Variants in NID2 observed in about 807,000 individuals in gnomAD.
The protein encoded by NID2 is nidogen 2.
Under a neutral mutation model 145.4 loss-of-function variants are expected in NID2, and 83 were observed. The observed-to-expected ratio is 0.57, with a 90% CI of 0.48 to 0.69. NID2 has a LOEUF of 0.69. NID2 is among the 30% of genes least tolerant of loss of function. The pLI is 0.00. For synonymous variants in NID2, 739 were observed against 701.3 expected (o/e 1.05, Z -0.85); for missense variants, 1,807 against 1,765.7 (o/e 1.02, Z -0.42).
In NID2 at chr14:52,054,133, T is replaced by G; in HGVS notation, c.956A>C (p.Asp319Ala). ...DYNEDNLDYY[D>A]VNEEEAEYLP... The stretch of plus-strand genomic sequence containing the variant: ...GTATTCAGCTTCCTCCTCATTCACA[T>G]CATAGTAATCCAAATTGTCCTCATT... The change falls in exon 4 of 22, where the codon GAT (aspartate) becomes GCT (alanine). Residue 319 changes from aspartate (D) to alanine (A), a missense_variant. By Grantham distance (126) the Asp-to-Ala change is moderately radical. Transcript: ENST00000216286. 1 of 1,614,114 alleles carries G rather than the reference T, an allele frequency of 6.2e-7. No homozygotes were observed. Among genetic ancestry groups the G allele is most frequent in the South Asian group, 1.1e-5 (1 of 91,074 alleles).
At chr14:52,059,249 T>A (rs1048689481) in intron 3 of NID2, among the ~76,000 whole-genome samples, 1 of 152,326 alleles carries the variant, frequency 6.6e-6, no homozygotes, top group South Asian at 2.1e-4. Context: ...TAAGCAAACC[T>A]GGCTATAGTG....
At chr14:52,005,565 G>C (rs1890740954) in intron 21 of NID2, 69 bp from the exon 22 acceptor site, 6 of 1,549,094 alleles carry the variant, frequency 3.9e-6, no homozygotes, top group African/African-American at 1.4e-5. Context: ...GCAACAGCAA[G>C]TCTTTGCATT....
intron 16 of NID2, among the ~76,000 whole-genome samples, chr14:52,012,973 G>A (rs1053122806): frequency 6.6e-6 from 1 of 152,162 alleles, no homozygotes; most frequent in Non-Finnish European, 1.5e-5. Context: ...ACGGGATTTG[G>A]CTTCAGTGGA....
At chr14:52,006,151 G>A (rs546747050) in intron 20 of NID2, 21 of 408,684 alleles carry the variant, frequency 5.1e-5, no homozygotes, top group African/African-American at 2.6e-4. Flanking sequence ...AGTATTTTTC[G>A]GTCCCTCAGA....
rs569118962 is a variant in NID2 at position 52,051,350 on chromosome 14, G to T, written c.1429+2229C>A. The stretch of plus-strand genomic sequence containing the variant: ...TCAGTTCTTGCAAGTATATGACGAG[G>T]TCTTCATTAACTCTGTTTTAGAGCT... On this transcript the variant is annotated intron_variant, in intron 5 of 21. Transcript: ENST00000216286. Among the ~76,000 whole-genome samples, 5 of 152,226 alleles carry T rather than the reference G, an allele frequency of 3.3e-5. No homozygotes were observed. The East Asian group carries it at 9.7e-4, about 29-fold the overall frequency.
At chr14:52,031,791 A>G (rs532626803) in intron 9 of NID2, among the ~76,000 whole-genome samples, 15 of 152,350 alleles carry the variant, frequency 9.8e-5, no homozygotes, top group Admixed American at 9.2e-4. Context: ...AAATGGAGAA[A>G]TAACAACAGG....
At chr14:52,042,602 A>C (rs1355380939) in intron 6 of NID2, among the ~76,000 whole-genome samples, 180 bp downstream of exon 6, 3 of 152,192 alleles carry the variant, frequency 2.0e-5, no homozygotes, top group African/African-American at 2.4e-5. Flanking sequence ...ATAATCCTCA[A>C]ATTGGGAATC....
chr14:52,028,447 T>C (rs929109257), intron 11 of NID2, among the ~76,000 whole-genome samples: 10 of 152,092 alleles, frequency 6.6e-5, no homozygotes, highest in Admixed American at 3.9e-4. Context: ...GCTAATGTTT[T>C]GTATTGTTTG....
At chr14:52,011,434 G>A in intron 17 of NID2, 120 bp downstream of exon 17, 2 of 1,244,168 alleles carry the variant, frequency 1.6e-6, no homozygotes, top group Non-Finnish European at 2.3e-6. Context: ...TCAATAAAAT[G>A]ACTTGCCTAG....
At position 52,030,648 on chromosome 14, in the gene NID2, GAGAA is replaced by G. The variant is rs113515391; in HGVS notation, c.2258-962_2258-959del. Among the ~76,000 whole-genome samples, 418 of 149,160 alleles carry G rather than the reference GAGAA, an allele frequency of 2.8e-3. 4 individuals are homozygous for G. Among genetic ancestry groups the G allele is most frequent in the Non-Finnish European group, 5.1e-3 (342 of 67,230 alleles). On this transcript the variant is annotated intron_variant, in intron 9 of 21. Coordinates refer to ENST00000216286, the MANE Select transcript of NID2 (RefSeq NM_007361.4). ...AAAGAGAAAGAAAGAGAAAGAAAAA[GAGAA>G]AGAAAGAAAGAAAAAGAAAAGAAAG...
At chr14:52,038,025 T>C (rs1402066406) in intron 9 of NID2, among the ~76,000 whole-genome samples, 1 of 152,248 alleles carries the variant, frequency 6.6e-6, no homozygotes, top group Non-Finnish European at 1.5e-5. Flanking sequence ...TGAGATTTTC[T>C]ACACAAAATG....
At position 52,040,657 on chromosome 14, in the gene NID2, C is replaced by T. The variant is rs759815670; in HGVS notation, c.2020G>A (p.Asp674Asn). The change falls in exon 8 of 22, where the codon GAC becomes AAC. Residue 674 changes from aspartate (D) to asparagine (N), a missense_variant. Physicochemically the swap from Asp to Asn is conservative, Grantham distance 23. Transcript: ENST00000216286. ...SPYKELYHYSDSTVTSTSSRD... is the reference protein window; with the variant it reads ...SPYKELYHYSNSTVTSTSSRD... ...GAAGACTGGTTATACATACTGGAGT[C>T]GGAGTAGTGGTACAGCTCCTTGTAG... is the stretch of plus-strand genomic sequence containing the variant. 2.0e-5 allele frequency: 33 copies of T among 1,613,196 alleles called. No homozygotes were observed. Among genetic ancestry groups the T allele is most frequent in the East Asian group, 4.5e-5 (2 of 44,886 alleles).
intron 2 of NID2, among the ~76,000 whole-genome samples, chr14:52,066,690 T>C (rs1893227011): frequency 6.6e-6 from 1 of 152,178 alleles, no homozygotes; most frequent in South Asian, 2.1e-4. Flanking sequence ...CCTCACCTCT[T>C]ACAGGGGGCA....
intron 9 of NID2, among the ~76,000 whole-genome samples, chr14:52,030,582 G>GA (rs1566755720): frequency 3.0e-4 from 1 of 3,302 alleles, no homozygotes; most frequent in African/African-American, 1.0e-3. Context: ...GGAAGGGAAA[G>GA]AAAGAAAGAA....
chr14:52,027,323 G>A lies in NID2; in HGVS notation c.2552C>T (p.Pro851Leu). The change falls in exon 12 of 22, where the codon CCC (proline) becomes CTC (leucine). Residue 851 changes from proline to leucine, a missense_variant. Coordinates refer to ENST00000216286, the MANE Select transcript of NID2 (RefSeq NM_007361.4). ...TCILITPPAN[P>L]CEDGSHTCAP... ...ACAGGTATGACTGCCATCCTCACAG[G>A]GGTTGGCAGGTGGGGTGATCACTGA... 6.3e-7 allele frequency: 1 copy of A among 1,579,334 alleles called. No homozygotes were observed. The highest frequency in any genetic ancestry group is 1.7e-4 in the Middle Eastern group (1 of 5,966).
chr14:52,060,064 G>C, intron 3 of NID2, 60 bp downstream of exon 3: 1 of 1,226,430 alleles, frequency 8.2e-7, no homozygotes, highest in Non-Finnish European at 1.2e-6. Context: ...CTTGTGTTCA[G>C]GTACTTCCTA....
At chr14:52,016,479 T>G (rs1317640111) in intron 14 of NID2, among the ~76,000 whole-genome samples, 1 of 152,222 alleles carries the variant, frequency 6.6e-6, no homozygotes, top group East Asian at 1.9e-4. Flanking sequence ...ATTTTTCCAC[T>G]GCTCAGACCT....
At chr14:52,033,493 C>T (rs1192035517) in intron 9 of NID2, among the ~76,000 whole-genome samples, 1 of 152,180 alleles carries the variant, frequency 6.6e-6, no homozygotes, top group African/African-American at 2.4e-5. Flanking sequence ...GAGAAGTCAC[C>T]GAGGGACAGA....
chr14:52,025,434 G>A (rs1463144008), intron 12 of NID2, among the ~76,000 whole-genome samples: 1 of 152,016 alleles, frequency 6.6e-6, no homozygotes, highest in Non-Finnish European at 1.5e-5. Flanking sequence ...TACATTACTG[G>A]GCCTAATACC....
Sources: allele counts gnomAD v4.1 joint callset (sites outside exome capture counted in the v4.1 genomes callset), GRCh38; gene constraint gnomAD v4.1.1; transcripts MANE v1.5; gene names NCBI Gene and HGNC (gene_info 2026-07-23, HGNC 2026-07-21).